Variants in PPARGC1A observed in about 807,000 individuals in gnomAD.
PPARGC1A encodes peroxisome proliferator-activated receptor gamma coactivator 1-alpha.
In PPARGC1A, 25 loss-of-function variants were observed where a neutral mutation model predicts 88.7. The ratio of observed to expected loss-of-function variants is 0.28; its 90% CI spans 0.21 to 0.39. The LOEUF (loss-of-function observed/expected upper bound fraction) is 0.39, where lower values mean the gene tolerates loss of function less well. PPARGC1A is among the 10% of genes least tolerant of loss of function. The pLI is 1.00. For synonymous variants in PPARGC1A, 363 were observed against 355.6 expected (o/e 1.02, Z -0.24); for missense variants, 880 against 968.7 (o/e 0.91, Z 1.22).
the PPARGC1A span, among the ~76,000 whole-genome samples, chr4:24,240,455 A>C: frequency 6.6e-6 from 1 of 152,232 alleles, no homozygotes; most frequent in Non-Finnish European, 1.5e-5. Flanking sequence ...TGTTGTTAAA[A>C]TATTACTGCT....
In PPARGC1A at chr4:23,814,648, A is replaced by C. The variant is rs200664879; in HGVS notation, c.878-43T>G. 5.1e-4 allele frequency: 730 copies of C among 1,435,058 alleles called. 7 individuals carry two copies. The African/African-American group carries it at 9.5e-3, about 19-fold the overall frequency. The allele number at this position is 1,435,058 out of a possible 1,614,324, so 88.9% of individuals were successfully genotyped here. On this transcript the variant is annotated intron_variant, in intron 7 of 12. Transcript: ENST00000264867. ...AAAAAAAAAAAAAAGAGAGAGAAAG[A>C]AAAGAGACAGAGATAATGTTCTTAA...
chr4:24,300,270 C>T, the PPARGC1A span, among the ~76,000 whole-genome samples: 2 of 124,322 alleles, frequency 1.6e-5, no homozygotes, highest in African/African-American at 3.0e-5. Flanking sequence ...TTTACTACTG[C>T]TTTTATGGGT....
At chr4:24,368,029 G>T in the PPARGC1A span, among the ~76,000 whole-genome samples, 12 of 152,110 alleles carry the variant, frequency 7.9e-5, no homozygotes, top group Admixed American at 2.6e-4. Context: ...GAAAGGAAAA[G>T]ATATCAACAT....
At chr4:24,454,660 C>A in the PPARGC1A span, among the ~76,000 whole-genome samples, 1 of 151,926 alleles carries the variant, frequency 6.6e-6, no homozygotes, top group East Asian at 1.9e-4. Context: ...ATCACTTGAA[C>A]CTGAGAGGTT....
At chr4:23,824,218 A>C (rs374657424) in intron 7 of PPARGC1A, 62 bp downstream of exon 7, 1 of 1,378,938 alleles carries the variant, frequency 7.3e-7, no homozygotes, top group African/African-American at 1.4e-5. Context: ...CTGTTATCTT[A>C]TTACACACAC....
At chr4:23,980,983 C>T in the PPARGC1A span, among the ~76,000 whole-genome samples, 2 of 152,104 alleles carry the variant, frequency 1.3e-5, no homozygotes, top group Non-Finnish European at 2.9e-5. Context: ...GGCCCCACCT[C>T]CTCCATAAGA....
At chr4:23,865,450 C>T (rs1711715182) in intron 2 of PPARGC1A, among the ~76,000 whole-genome samples, 1 of 152,092 alleles carries the variant, frequency 6.6e-6, no homozygotes, top group African/African-American at 2.4e-5. Context: ...CTTAGCACGG[C>T]CCCAATAAAA....
chr4:23,793,870 C>A lies in PPARGC1A; in HGVS notation c.*1952G>T, dbSNP rs1198804768. ...ACACTCCAACCTGACAATTGTCATG[C>A]ATCCTAGGTAGAAAATTTCCACTGG... is the stretch of plus-strand genomic sequence containing the variant. On this transcript the variant is annotated 3_prime_UTR_variant, in exon 13 of 13. Transcript: ENST00000264867. The A allele has an allele frequency of 6.6e-6, 1 of 152,410 alleles. No individual in the cohort carries two copies. Among genetic ancestry groups the A allele is most frequent in the East Asian group, 1.9e-4 (1 of 5,198 alleles). The allele number at this position is 152,410 out of a possible 1,614,324, so 9.4% of individuals were successfully genotyped here.
intron 1 of PPARGC1A, among the ~76,000 whole-genome samples, chr4:23,886,342 A>G (rs1362705682): frequency 1.3e-5 from 2 of 152,162 alleles, no homozygotes; most frequent in African/African-American, 4.8e-5. Flanking sequence ...GATTCCTAGC[A>G]GGCCACATTA....
the PPARGC1A span, among the ~76,000 whole-genome samples, chr4:24,246,338 A>G: frequency 6.6e-6 from 1 of 152,216 alleles, no homozygotes. Flanking sequence ...AATGTCTTCA[A>G]TAAATGTTTG....
chr4:24,361,996 C>T, the PPARGC1A span, among the ~76,000 whole-genome samples: 1 of 152,246 alleles, frequency 6.6e-6, no homozygotes, highest in African/African-American at 2.4e-5. Flanking sequence ...TAGCCCCATA[C>T]TGACATTCTC....
chr4:23,812,623 G>C, intron 10 of PPARGC1A, 124 bp downstream of exon 10: 2 of 1,451,854 alleles, frequency 1.4e-6, no homozygotes, highest in Non-Finnish European at 1.9e-6. Context: ...AAGCCAAAAG[G>C]CTGAAAATGG....
chr4:23,945,029 A>C, the PPARGC1A span, among the ~76,000 whole-genome samples: 1 of 152,114 alleles, frequency 6.6e-6, no homozygotes, highest in South Asian at 2.1e-4. Context: ...CCTGATCTTT[A>C]AAATAAAAAT....
chr4:24,270,431 A>C, the PPARGC1A span, among the ~76,000 whole-genome samples: 1 of 152,126 alleles, frequency 6.6e-6, no homozygotes, highest in Non-Finnish European at 1.5e-5. Flanking sequence ...AAGAACCAGC[A>C]TATACATTAT....
chr4:24,203,123 A>T, the PPARGC1A span, among the ~76,000 whole-genome samples: 2 of 152,370 alleles, frequency 1.3e-5, no homozygotes, highest in African/African-American at 4.8e-5. Flanking sequence ...AGCTTTTAAA[A>T]TCCAACCTGT....
chr4:24,106,584 A>T, the PPARGC1A span, among the ~76,000 whole-genome samples: 3 of 152,182 alleles, frequency 2.0e-5, no homozygotes, highest in Non-Finnish European at 2.9e-5. Context: ...ATTACAAAGA[A>T]GTCCCCGATT....
At chr4:24,143,319 G>A in the PPARGC1A span, among the ~76,000 whole-genome samples, 5 of 152,198 alleles carry the variant, frequency 3.3e-5, no homozygotes, top group Non-Finnish European at 7.3e-5. Flanking sequence ...TAGGGGAGGG[G>A]GCAATATAAA....
At chr4:24,265,267 T>C in the PPARGC1A span, among the ~76,000 whole-genome samples, 1 of 152,226 alleles carries the variant, frequency 6.6e-6, no homozygotes, top group African/African-American at 2.4e-5. Context: ...CTAGTACCAG[T>C]GTTTCCTATT....
chr4:24,360,427 A>T, the PPARGC1A span, among the ~76,000 whole-genome samples: 1 of 152,136 alleles, frequency 6.6e-6, no homozygotes, highest in African/African-American at 2.4e-5. Flanking sequence ...CTGCCCAGAT[A>T]GCACCACTCC....
Sources: allele counts gnomAD v4.1 joint callset (sites outside exome capture counted in the v4.1 genomes callset), GRCh38; gene constraint gnomAD v4.1.1; transcripts MANE v1.5; gene names NCBI Gene and HGNC (gene_info 2026-07-23, HGNC 2026-07-21).